Variants in TERB1 observed in about 807,000 individuals in gnomAD.
TERB1 encodes telomere repeats-binding bouquet formation protein 1.
Under a neutral mutation model 92.3 loss-of-function variants are expected in TERB1, and 63 were observed. The ratio of observed to expected loss-of-function variants is 0.68; its 90% CI spans 0.56 to 0.84. The LOEUF (loss-of-function observed/expected upper bound fraction) is 0.84, where lower values mean the gene tolerates loss of function less well. Ranked by LOEUF, TERB1 falls within the 40% of genes least tolerant of loss-of-function variation. The pLI is 0.00. For synonymous variants in TERB1, 252 were observed against 283.9 expected (o/e 0.89, Z 1.13); for missense variants, 709 against 843.7 (o/e 0.84, Z 1.98).
chr16:66,777,039 T>C (rs781153792), intron 11 of TERB1, among the ~76,000 whole-genome samples, 164 bp downstream of exon 11: 1 of 151,890 alleles, frequency 6.6e-6, no homozygotes, highest in Non-Finnish European at 1.5e-5. Context: ...CTTAATACAA[T>C]GAGTGAAGGA....
At chr16:66,767,797 G>A (rs1221490070) in intron 15 of TERB1, among the ~76,000 whole-genome samples, 2 of 151,522 alleles carry the variant, frequency 1.3e-5, no homozygotes, top group East Asian at 1.9e-4. Flanking sequence ...GCATGATCTC[G>A]GCTCACTGCA....
chr16:66,774,683 C>CTTT (rs1555508412), intron 12 of TERB1, among the ~76,000 whole-genome samples: 2 of 40,218 alleles, frequency 5.0e-5, no homozygotes, highest in Admixed American at 2.9e-4. Flanking sequence ...CTCTGATTTT[C>CTTT]TTTTTTTTTT....
rs2018816462 is a variant in TERB1 at position 66,790,651 on chromosome 16, T to C, written c.215A>G (p.His72Arg). ...TAAGGCTGCTTCTTTTACCATGCTA[T>C]GTTCACTTGACTTTGCAAGATTTTT... Reference protein sequence around the residue: ...FVKNLAKSSEHSMVKEAALYT... With the variant: ...FVKNLAKSSERSMVKEAALYT... The change falls in exon 5 of 19, where the codon CAT (histidine) becomes CGT (arginine). Residue 72 changes from histidine to arginine, a missense_variant. Transcript: ENST00000433154. The C allele has an allele frequency of 1.9e-6, 3 of 1,550,866 alleles. No homozygotes were observed. Among genetic ancestry groups the C allele is most frequent in the East Asian group, 2.5e-5 (1 of 40,792 alleles).
At chr16:66,797,304 C>G (rs549847414) in intron 2 of TERB1, among the ~76,000 whole-genome samples, 1 of 150,060 alleles carries the variant, frequency 6.7e-6, no homozygotes. Flanking sequence ...GGCTTGATCA[C>G]GACTCCCTGC....
At chr16:66,780,163 A>C (rs1017490252) in intron 9 of TERB1, among the ~76,000 whole-genome samples, 1 of 152,238 alleles carries the variant, frequency 6.6e-6, no homozygotes, top group Non-Finnish European at 1.5e-5. Context: ...CATGGCGCCC[A>C]GCCCAGAAAC....
chr16:66,787,565 T>C (rs2018750379), intron 6 of TERB1, among the ~76,000 whole-genome samples: 1 of 152,218 alleles, frequency 6.6e-6, no homozygotes, highest in Non-Finnish European at 1.5e-5. Context: ...TCTAAAATTA[T>C]TCCAAAACAA....
chr16:66,757,955 T>A (rs990861898), intron 18 of TERB1, among the ~76,000 whole-genome samples: 2 of 152,226 alleles, frequency 1.3e-5, no homozygotes, highest in African/African-American at 4.8e-5. Flanking sequence ...TTTATACTAT[T>A]TGTCTCTTCA....
intron 9 of TERB1, among the ~76,000 whole-genome samples, chr16:66,784,548 G>T (rs1237521321): frequency 2.0e-5 from 3 of 151,710 alleles, no homozygotes; most frequent in African/African-American, 7.3e-5. Flanking sequence ...TGGCCAGGCT[G>T]GTCTGGAACT....
intron 11 of TERB1, among the ~76,000 whole-genome samples, chr16:66,776,931 T>C (rs548618606): frequency 6.6e-6 from 1 of 152,006 alleles, no homozygotes; most frequent in African/African-American, 2.4e-5. Context: ...AAAGATGTTG[T>C]GGGTTTAAGG....
At chr16:66,781,523 T>TA (rs981703522) in intron 9 of TERB1, among the ~76,000 whole-genome samples, 17 of 147,596 alleles carry the variant, frequency 1.2e-4, no homozygotes, top group African/African-American at 3.5e-4. Context: ...CAAATTCTTT[T>TA]TTTTTTTTTT....
chr16:66,782,059 T>C (rs921484496), intron 9 of TERB1, among the ~76,000 whole-genome samples: 8 of 152,250 alleles, frequency 5.3e-5, no homozygotes, highest in East Asian at 1.9e-4. Flanking sequence ...TTTAAGTCTA[T>C]GAACCATTTC....
intron 9 of TERB1, among the ~76,000 whole-genome samples, chr16:66,779,623 G>GA (rs1432878281): frequency 2.0e-5 from 3 of 150,578 alleles, no homozygotes; most frequent in Non-Finnish European, 4.4e-5. Context: ...AAAAACAAAA[G>GA]AAAAAAACAA....
At chr16:66,776,904 C>T (rs1458395569) in intron 11 of TERB1, among the ~76,000 whole-genome samples, 1 of 138,004 alleles carries the variant, frequency 7.2e-6, no homozygotes, top group Admixed American at 7.5e-5. Context: ...GAGAAAACCA[C>T]TGCAATAATA....
intron 17 of TERB1, 68 bp from the exon 18 acceptor site, chr16:66,758,906 TAGTA>T: frequency 1.8e-6 from 2 of 1,091,466 alleles, no homozygotes; most frequent in Non-Finnish European, 2.7e-6. Flanking sequence ...TCAATTCCAT[TAGTA>T]TATTTCCTTT....
At chr16:66,796,490 C>G (rs1275510818) in intron 3 of TERB1, among the ~76,000 whole-genome samples, 1 of 152,212 alleles carries the variant, frequency 6.6e-6, no homozygotes, top group Non-Finnish European at 1.5e-5. Context: ...TCTGTACCTG[C>G]AGGCATCCTT....
chr16:66,793,639 G>T (rs1315449550), intron 3 of TERB1, among the ~76,000 whole-genome samples: 1 of 152,062 alleles, frequency 6.6e-6, no homozygotes, highest in Non-Finnish European at 1.5e-5. Context: ...AGCCTCCCAA[G>T]GAGCTGGGAT....
Position 66,778,899 on chromosome 16 carries a change from C to G in TERB1, c.817G>C (p.Val273Leu). Reference sequence around the variant, plus strand: ...ATGCATGCATCCACAGTCTTCGTCACAACCACTGCAAGTTTAGCACTGGAA... The same window carrying G: ...ATGCATGCATCCACAGTCTTCGTCAGAACCACTGCAAGTTTAGCACTGGAA... The part of the protein sequence containing the change: ...TLSSAKLAVV[V>L]TKTVDACIAD... The change falls in exon 10 of 19, where the codon GTG becomes CTG. Residue 273 changes from valine (V) to leucine (L), a missense_variant. Val to Leu is a conservative substitution (Grantham distance 32). Coordinates refer to ENST00000433154, the MANE Select transcript of TERB1 (RefSeq NM_001136505.2). The G allele has an allele frequency of 2.6e-6, 4 of 1,525,758 alleles. No individual in the cohort carries two copies. The highest frequency in any genetic ancestry group is 3.5e-6 in the Non-Finnish European group (4 of 1,127,118). The allele number at this position is 1,525,758 out of a possible 1,614,324, so 94.5% of individuals were successfully genotyped here.
chr16:66,793,211 GTTTTTTTTT>G (rs1174263983), intron 3 of TERB1, among the ~76,000 whole-genome samples: 4 of 93,546 alleles, frequency 4.3e-5, no homozygotes, highest in Non-Finnish European at 5.8e-5. Context: ...TTGTGGTTTG[GTTTTTTTTT>G]TTTTTTTTTT....
At chr16:66,759,936 C>T (rs2145054617) in intron 16 of TERB1, among the ~76,000 whole-genome samples, 1 of 149,232 alleles carries the variant, frequency 6.7e-6, no homozygotes, top group East Asian at 1.9e-4. Flanking sequence ...AGTTTGAGAC[C>T]AGCCTGGCCA....
Sources: allele counts gnomAD v4.1 joint callset (sites outside exome capture counted in the v4.1 genomes callset), GRCh38; gene constraint gnomAD v4.1.1; transcripts MANE v1.5; gene names NCBI Gene and HGNC (gene_info 2026-07-23, HGNC 2026-07-21).